ULK4: variants seen among roughly 807,000 people sequenced by gnomAD.
ULK4 encodes the protein unc-51 like kinase 4.
Under a neutral mutation model 160.6 loss-of-function variants are expected in ULK4, and 133 were observed. The ratio of observed to expected loss-of-function variants is 0.83; its 90% CI spans 0.72 to 0.96. ULK4 has a LOEUF of 0.96. Among genes scored for constraint, ULK4 ranks in the 40% least tolerant of loss-of-function variants. The pLI, the probability that ULK4 is intolerant of heterozygous loss-of-function variation, is 0.00. For missense variants in ULK4, 1,580 were observed against 1,499.5 expected, an observed-to-expected ratio of 1.05 and a Z score of -0.89; for synonymous variants, 534 against 539.8, an observed-to-expected ratio of 0.99 and a Z score of 0.15.
At chr3:41,826,975 C>T (rs984950415) in intron 18 of ULK4, among the ~76,000 whole-genome samples, 16 of 150,334 alleles carry the variant, frequency 1.1e-4, no homozygotes, top group Admixed American at 2.0e-4. Flanking sequence ...GACCACAGTG[C>T]AATCAAACTA....
At chr3:41,861,519 C>T (rs891049833) in intron 17 of ULK4, among the ~76,000 whole-genome samples, 4 of 152,310 alleles carry the variant, frequency 2.6e-5, no homozygotes, top group Middle Eastern at 3.4e-3. Context: ...GCCAGATGTA[C>T]TGGAGCTCCA....
intron 32 of ULK4, among the ~76,000 whole-genome samples, chr3:41,481,502 G>A (rs2084318804): frequency 1.3e-5 from 2 of 152,144 alleles, no homozygotes; most frequent in Admixed American, 1.3e-4. Context: ...CCTAGACTTA[G>A]GAATGTCCTG....
intron 35 of ULK4, among the ~76,000 whole-genome samples, chr3:41,332,788 A>G (rs1263848163): frequency 2.0e-5 from 3 of 151,764 alleles, no homozygotes; most frequent in Admixed American, 6.6e-5. Flanking sequence ...TTAGTTTTCA[A>G]CCCTCTCCCC....
intron 32 of ULK4, among the ~76,000 whole-genome samples, chr3:41,471,020 A>G (rs943128699): frequency 6.6e-6 from 1 of 152,022 alleles, no homozygotes; most frequent in African/African-American, 2.4e-5. Flanking sequence ...ACAAAAAGAC[A>G]TAGAGTAATT....
At chr3:41,287,656 T>G (rs2079487699) in intron 35 of ULK4, among the ~76,000 whole-genome samples, 1 of 152,184 alleles carries the variant, frequency 6.6e-6, no homozygotes, top group Non-Finnish European at 1.5e-5. Flanking sequence ...TTGAGCACTC[T>G]TCAAATAGAC....
intron 27 of ULK4, among the ~76,000 whole-genome samples, chr3:41,698,647 C>A (rs1471251707): frequency 6.6e-6 from 1 of 152,126 alleles, no homozygotes; most frequent in East Asian, 1.9e-4. Context: ...TTACCAAGTT[C>A]TAAACCTTTT....
chr3:41,858,215 A>C (rs2042415107), intron 17 of ULK4, among the ~76,000 whole-genome samples: 1 of 123,314 alleles, frequency 8.1e-6, no homozygotes, highest in East Asian at 2.6e-4. Context: ...CAGCGGTGTG[A>C]TCTTGGCTTA....
chr3:41,751,939 G>A (rs1369097376), intron 22 of ULK4, among the ~76,000 whole-genome samples: 3 of 152,170 alleles, frequency 2.0e-5, no homozygotes, highest in Non-Finnish European at 4.4e-5. Context: ...AATGGAGTGT[G>A]CCCAAAGAAG....
chr3:41,272,746 T>C (rs1437253156), intron 35 of ULK4, among the ~76,000 whole-genome samples: 1 of 152,198 alleles, frequency 6.6e-6, no homozygotes, highest in Non-Finnish European at 1.5e-5. Context: ...TCACACATGT[T>C]AGGACACTTA....
chr3:41,314,242 C>A (rs574254460), intron 35 of ULK4, among the ~76,000 whole-genome samples: 5 of 152,216 alleles, frequency 3.3e-5, no homozygotes, highest in African/African-American at 1.2e-4. Flanking sequence ...GGTATAAGTG[C>A]AGATTTCTTA....
chr3:41,335,971 G>C (rs868823979), intron 35 of ULK4, among the ~76,000 whole-genome samples: 8 of 152,194 alleles, frequency 5.3e-5, no homozygotes, highest in African/African-American at 1.9e-4. Flanking sequence ...CCACAAGCCT[G>C]TCCTAGAACA....
chr3:41,423,453 A>G (rs752862033), intron 34 of ULK4, among the ~76,000 whole-genome samples: 12 of 152,188 alleles, frequency 7.9e-5, no homozygotes, highest in Non-Finnish European at 1.3e-4. Flanking sequence ...AAAAGATAGG[A>G]CGGGCTCAGG....
intron 19 of ULK4, among the ~76,000 whole-genome samples, chr3:41,814,743 C>A (rs1266302054): frequency 6.6e-6 from 1 of 151,974 alleles, no homozygotes; most frequent in Non-Finnish European, 1.5e-5. Flanking sequence ...AAAAATCTCC[C>A]ATATTGCTTT....
At chr3:41,519,547 C>T (rs1198017423) in intron 32 of ULK4, among the ~76,000 whole-genome samples, 2 of 152,192 alleles carry the variant, frequency 1.3e-5, no homozygotes, top group East Asian at 1.9e-4. Context: ...GTTGTCCTCT[C>T]CTGAAACACA....
intron 32 of ULK4, among the ~76,000 whole-genome samples, chr3:41,541,526 C>T (rs995390095): frequency 5.3e-5 from 8 of 151,996 alleles, no homozygotes; most frequent in African/African-American, 1.2e-4. Context: ...TTTCTGGTCC[C>T]GTATGAAATT....
chr3:41,380,594 A>G (rs2081627320), intron 35 of ULK4, among the ~76,000 whole-genome samples: 1 of 152,080 alleles, frequency 6.6e-6, no homozygotes, highest in Non-Finnish European at 1.5e-5. Context: ...AGGTCCCTAC[A>G]GCTCACTCAC....
At chr3:41,400,432 A>G (rs1349997320) in intron 34 of ULK4, among the ~76,000 whole-genome samples, 2 of 152,230 alleles carry the variant, frequency 1.3e-5, no homozygotes, top group African/African-American at 2.4e-5. Context: ...TGTTACATAC[A>G]TGGAATCACA....
chr3:41,691,507 G>A (rs1287310177), intron 27 of ULK4, among the ~76,000 whole-genome samples: 1 of 151,772 alleles, frequency 6.6e-6, no homozygotes, highest in Non-Finnish European at 1.5e-5. Context: ...TCTTTCTTCT[G>A]AGGAGGCAAG....
chr3:41,661,386 T>A (rs7615459), intron 30 of ULK4, among the ~76,000 whole-genome samples: 94 of 152,264 alleles, frequency 6.2e-4, no homozygotes, highest in African/African-American at 2.1e-3. Flanking sequence ...TTTCAGTATT[T>A]ATGTGTGTGT....
Sources: gnomAD v4.1 joint callset for allele counts (sites outside exome capture counted in the v4.1 genomes callset) on GRCh38, gnomAD v4.1.1 for gene constraint, MANE v1.5 for transcripts, NCBI Gene and HGNC (gene_info 2026-07-23, HGNC 2026-07-21) for gene names.